Variants in NOL4 observed in about 807,000 individuals in gnomAD.
NOL4 encodes the protein nucleolar protein 4, also known as cancer/testis antigen 125.
Under a neutral mutation model 75.9 loss-of-function variants are expected in NOL4, and 17 were observed. That is an observed-to-expected ratio of 0.22 (90% CI 0.15 to 0.34). NOL4 has a LOEUF of 0.34. NOL4 is among the 10% of genes least tolerant of loss of function. The pLI, the probability that NOL4 is intolerant of heterozygous loss-of-function variation, is 1.00. For missense variants in NOL4, 614 were observed against 793.5 expected (o/e 0.77, Z 2.72); for synonymous variants, 292 against 289.9 (o/e 1.01, Z -0.07).
intron 9 of NOL4, among the ~76,000 whole-genome samples, chr18:33,890,822 A>G (rs2065048701): frequency 6.6e-6 from 1 of 152,186 alleles, no homozygotes; most frequent in East Asian, 1.9e-4. Flanking sequence ...ACATTATTAT[A>G]GTGCTACTGC....
At chr18:34,062,503 A>T (rs1453443286) in intron 5 of NOL4, among the ~76,000 whole-genome samples, 1 of 152,122 alleles carries the variant, frequency 6.6e-6, no homozygotes, top group African/African-American at 2.4e-5. Context: ...GAAGTACAGT[A>T]TGACCCTTTC....
At chr18:33,943,371 G>A (rs933580316) in intron 8 of NOL4, among the ~76,000 whole-genome samples, 193 bp from the exon 9 acceptor site, 1 of 151,836 alleles carries the variant, frequency 6.6e-6, no homozygotes, top group Non-Finnish European at 1.5e-5. Context: ...AGAGGTTAAA[G>A]CTATCGTTGC....
chr18:33,993,976 T>C (rs750813349), intron 6 of NOL4, among the ~76,000 whole-genome samples: 9 of 151,642 alleles, frequency 5.9e-5, no homozygotes, highest in Non-Finnish European at 1.0e-4. Flanking sequence ...ATAATGAATA[T>C]AGAAACCATA....
At chr18:34,207,978 A>G (rs905416173) in intron 1 of NOL4, among the ~76,000 whole-genome samples, 2 of 152,166 alleles carry the variant, frequency 1.3e-5, no homozygotes, top group Non-Finnish European at 2.9e-5. Flanking sequence ...AAAAATAGAC[A>G]TGGTGATCCC....
chr18:33,906,462 C>G (rs1040316523), intron 9 of NOL4, among the ~76,000 whole-genome samples: 1 of 152,170 alleles, frequency 6.6e-6, no homozygotes, highest in South Asian at 2.1e-4. Context: ...TCTCAACTTA[C>G]TGGCTGTTGT....
intron 1 of NOL4, among the ~76,000 whole-genome samples, chr18:34,220,246 A>G (rs1030094386): frequency 2.0e-5 from 3 of 152,146 alleles, no homozygotes; most frequent in African/African-American, 7.2e-5. Context: ...TCATTAAACT[A>G]AAGTAGATAA....
At chr18:33,997,458 GT>G (rs2073379428) in intron 6 of NOL4, among the ~76,000 whole-genome samples, 1 of 151,282 alleles carries the variant, frequency 6.6e-6, no homozygotes, top group Admixed American at 6.6e-5. Context: ...ATACCATGCT[GT>G]TTTGGTTAGT....
At chr18:34,167,044 CAAAAAAAAAAAAAAAAAAAAAA>C (rs1174730527) in intron 1 of NOL4, among the ~76,000 whole-genome samples, 92 of 5,666 alleles carry the variant, frequency 0.016, 20 homozygotes, top group African/African-American at 0.049. Flanking sequence ...GACTCCGTCT[CAAAAAAAAAAAAAAAAAAAAAA>C]AAAAAAAAAA....
At chr18:33,950,967 A>C (rs905625546) in intron 8 of NOL4, among the ~76,000 whole-genome samples, 1 of 152,068 alleles carries the variant, frequency 6.6e-6, no homozygotes, top group Admixed American at 6.6e-5. Context: ...TTTGGTTTTC[A>C]TTTTTAGGAT....
At position 34,193,817 on chromosome 18, in the gene NOL4, G is replaced by A. The variant is rs1308741522; in HGVS notation, c.264+29173C>T. Among the ~76,000 whole-genome samples the A allele has an allele frequency of 2.6e-5, 4 of 152,098 alleles. No homozygotes were observed. In the East Asian group the frequency reaches 7.7e-4, roughly 29 times the overall value. On this transcript the variant is annotated intron_variant, in intron 1 of 10. Transcript: ENST00000261592. ...TTGCAATCTTATTCACACTAGCCAA[G>A]ATATAGAATCAACCAGTGTCCATCA...
chr18:33,985,157 A>G (rs978290999), intron 6 of NOL4, among the ~76,000 whole-genome samples: 1 of 152,156 alleles, frequency 6.6e-6, no homozygotes, highest in Non-Finnish European at 1.5e-5. Context: ...CAAATGAGTA[A>G]CATTAACTAT....
At chr18:33,953,863 G>A (rs2069439769) in intron 8 of NOL4, among the ~76,000 whole-genome samples, 2 of 152,176 alleles carry the variant, frequency 1.3e-5, no homozygotes, top group South Asian at 4.1e-4. Flanking sequence ...GTGATATACA[G>A]TACGTGGCTA....
chr18:34,082,382 T>C (rs74504731), intron 5 of NOL4, among the ~76,000 whole-genome samples: 24 of 151,276 alleles, frequency 1.6e-4, no homozygotes, highest in Middle Eastern at 6.8e-3. Flanking sequence ...AAAAAAAAAG[T>C]GTCCACCTCA....
chr18:33,857,105 C>A (rs886813664), intron 10 of NOL4, among the ~76,000 whole-genome samples: 1 of 151,932 alleles, frequency 6.6e-6, no homozygotes. Flanking sequence ...TCTATTAGAT[C>A]CTTCTCCTGA....
chr18:33,976,800 C>A (rs1463223676), intron 6 of NOL4, among the ~76,000 whole-genome samples: 1 of 152,016 alleles, frequency 6.6e-6, no homozygotes, highest in African/African-American at 2.4e-5. Context: ...TCATCACCAC[C>A]AATTCAAATA....
chr18:34,218,528 C>G (rs1481421351), intron 1 of NOL4, among the ~76,000 whole-genome samples: 1 of 152,174 alleles, frequency 6.6e-6, no homozygotes, highest in East Asian at 1.9e-4. Context: ...TACTACTGGT[C>G]CCCACTGTTC....
chr18:33,860,159 T>C (rs1378380765), intron 10 of NOL4, among the ~76,000 whole-genome samples: 1 of 151,954 alleles, frequency 6.6e-6, no homozygotes. Context: ...GAGAAAAGCA[T>C]GGGGGAAACC....
chr18:34,218,648 G>T (rs961353223), intron 1 of NOL4, among the ~76,000 whole-genome samples: 1 of 151,968 alleles, frequency 6.6e-6, no homozygotes, highest in Non-Finnish European at 1.5e-5. Context: ...TTCATTCTCG[G>T]GATCTATTTG....
intron 5 of NOL4, among the ~76,000 whole-genome samples, chr18:34,075,529 C>T (rs12953498): frequency 0.39 from 58,571 of 151,884 alleles, 11,458 homozygotes; most frequent in Admixed American, 0.47. Flanking sequence ...CATGTTGGCA[C>T]TCAAAAATTT....
Sources: gnomAD v4.1 joint callset for allele counts (sites outside exome capture counted in the v4.1 genomes callset) on GRCh38, gnomAD v4.1.1 for gene constraint, MANE v1.5 for transcripts, NCBI Gene and HGNC (gene_info 2026-07-23, HGNC 2026-07-21) for gene names.